Variants in KHDRBS3 observed in about 807,000 individuals in gnomAD.
The protein encoded by KHDRBS3 is KH domain-containing, RNA-binding, signal transduction-associated protein 3.
In KHDRBS3, 23 loss-of-function variants were observed where a neutral mutation model predicts 45.6. The observed-to-expected ratio is 0.50, with a 90% CI of 0.36 to 0.72. KHDRBS3 has a LOEUF of 0.72. Among genes scored for constraint, KHDRBS3 ranks in the 30% least tolerant of loss-of-function variants. The probability of loss-of-function intolerance (pLI) is 0.00; values close to 1 mark genes in which losing one functional copy is unlikely to be tolerated. For synonymous variants in KHDRBS3, 162 were observed against 156.5 expected (o/e 1.04, Z -0.26); for missense variants, 352 against 424.8 (o/e 0.83, Z 1.51).
chr8:135,514,953 T>C (rs1824493964), intron 1 of KHDRBS3, among the ~76,000 whole-genome samples: 1 of 152,210 alleles, frequency 6.6e-6, no homozygotes, highest in African/African-American at 2.4e-5. Context: ...TTACTGCTGG[T>C]ATAAGTGACC....
intron 5 of KHDRBS3, among the ~76,000 whole-genome samples, chr8:135,562,399 A>G (rs1827210615): frequency 6.6e-6 from 1 of 152,222 alleles, no homozygotes; most frequent in Admixed American, 6.5e-5. Context: ...TGTATCATAT[A>G]GCCTAGGCGT....
chr8:135,502,286 A>G (rs913051986), intron 1 of KHDRBS3, among the ~76,000 whole-genome samples: 1 of 152,104 alleles, frequency 6.6e-6, no homozygotes, highest in Non-Finnish European at 1.5e-5. Context: ...CTTTATCACC[A>G]GATACTCTCC....
chr8:135,587,847 CT>C (rs767644827), intron 6 of KHDRBS3, among the ~76,000 whole-genome samples: 2 of 152,190 alleles, frequency 1.3e-5, no homozygotes, highest in Non-Finnish European at 2.9e-5. Flanking sequence ...AGCATCCCCC[CT>C]AACACTCAGT....
At chr8:135,600,421 G>A (rs1169397484) in intron 6 of KHDRBS3, among the ~76,000 whole-genome samples, 6 of 152,262 alleles carry the variant, frequency 3.9e-5, no homozygotes, top group African/African-American at 9.6e-5. Context: ...TAGAGGAAGC[G>A]GGGATGGGTG....
In KHDRBS3 at chr8:135,504,872, C is replaced by G. The variant is rs555580022; in HGVS notation, c.89-16365C>G. On this transcript the variant is annotated intron_variant, in intron 1 of 8. Coordinates refer to ENST00000355849, the MANE Select transcript of KHDRBS3 (RefSeq NM_006558.3). ...ATTACATAGATGCCATTTTCTCAAA[C>G]TTTGATGGTGATCATGATGATATAT... 3.3e-5 allele frequency among the ~76,000 whole-genome samples: 5 copies of G among 152,230 alleles called. No individual in the cohort carries two copies. The East Asian group carries it at 9.7e-4, about 29-fold the overall frequency.
intron 2 of KHDRBS3, among the ~76,000 whole-genome samples, chr8:135,534,293 C>T (rs928099591): frequency 6.6e-6 from 1 of 152,062 alleles, no homozygotes; most frequent in Non-Finnish European, 1.5e-5. Context: ...AGTTAGACCC[C>T]ATATACCAAA....
chr8:135,458,328 G>C, intron 1 of KHDRBS3: 1 of 468,774 alleles, frequency 2.1e-6, no homozygotes, highest in South Asian at 4.6e-5. Flanking sequence ...GGGAAGTAGG[G>C]CGTTTGGTTT....
intron 5 of KHDRBS3, among the ~76,000 whole-genome samples, chr8:135,574,255 G>GTTAGAA (rs1482696673): frequency 6.7e-6 from 1 of 150,294 alleles, no homozygotes. Context: ...CCTCCATCAT[G>GTTAGAA]CCTTTCTTCC....
intron 1 of KHDRBS3, chr8:135,458,863 C>T (rs1009544900): frequency 2.2e-6 from 1 of 456,100 alleles, no homozygotes; most frequent in African/African-American, 2.0e-5. Flanking sequence ...CAGTGTTCCC[C>T]TGGCTTTTTC....
intron 7 of KHDRBS3, among the ~76,000 whole-genome samples, chr8:135,639,723 G>A (rs1246781972): frequency 1.3e-5 from 2 of 152,232 alleles, no homozygotes; most frequent in Non-Finnish European, 2.9e-5. Flanking sequence ...CATGGCAGAA[G>A]GCCAAGTGAG....
At chr8:135,483,898 A>G (rs148519214) in intron 1 of KHDRBS3, among the ~76,000 whole-genome samples, 211 of 152,200 alleles carry the variant, frequency 1.4e-3, no homozygotes, top group African/African-American at 5.0e-3. Flanking sequence ...AAGAATTCCC[A>G]TTGGTTTTGA....
chr8:135,519,481 A>G (rs1239631301), intron 1 of KHDRBS3, among the ~76,000 whole-genome samples: 1 of 152,172 alleles, frequency 6.6e-6, no homozygotes, highest in East Asian at 1.9e-4. Context: ...ATTTGCTATA[A>G]TGACTCACAG....
chr8:135,535,265 A>C (rs1208426923), intron 2 of KHDRBS3, among the ~76,000 whole-genome samples: 2 of 140,578 alleles, frequency 1.4e-5, no homozygotes, highest in African/African-American at 2.6e-5. Flanking sequence ...ATAAACTATT[A>C]TATATAGTTA....
At chr8:135,485,741 A>G (rs374569421) in intron 1 of KHDRBS3, among the ~76,000 whole-genome samples, 6 of 151,390 alleles carry the variant, frequency 4.0e-5, no homozygotes, top group Non-Finnish European at 8.8e-5. Flanking sequence ...TGGCATTTGC[A>G]AAGTCCTTCA....
At chr8:135,560,706 T>C (rs1827127585) in intron 5 of KHDRBS3, among the ~76,000 whole-genome samples, 1 of 152,250 alleles carries the variant, frequency 6.6e-6, no homozygotes, top group Non-Finnish European at 1.5e-5. Flanking sequence ...GATTACAGCA[T>C]ATGCATTGCT....
chr8:135,616,335 A>T (rs1179851577), intron 7 of KHDRBS3, among the ~76,000 whole-genome samples: 1 of 152,198 alleles, frequency 6.6e-6, no homozygotes, highest in Non-Finnish European at 1.5e-5. Flanking sequence ...GGGGGAAAAA[A>T]ATTAGGTTCC....
intron 7 of KHDRBS3, among the ~76,000 whole-genome samples, chr8:135,614,271 G>A (rs1049205769): frequency 6.6e-6 from 1 of 151,770 alleles, no homozygotes; most frequent in African/African-American, 2.4e-5. Context: ...AGCTAGTATA[G>A]TGAATCAAAA....
chr8:135,521,258 GA>G lies in KHDRBS3; in HGVS notation c.111del (p.Glu38LysfsTer12). The stretch of plus-strand genomic sequence containing the variant: ...ACAGAAATAGAAAAGTTTCAAAAAG[GA>G]GAAGGCAAGGATGAAGAAAAGTACA... ...VNQEIEKFQKGEGKDEEKYID... is the reference protein window; with the variant it reads ...VNQEIEKFQKXEGKDEEKYID... On this transcript the variant is annotated frameshift_variant, in exon 2 of 9. Coordinates refer to ENST00000355849, the MANE Select transcript of KHDRBS3 (RefSeq NM_006558.3). LOFTEE classifies it high-confidence loss of function. 1 of 1,611,976 alleles carries G rather than the reference GA, an allele frequency of 6.2e-7. No homozygotes were observed. Among genetic ancestry groups the G allele is most frequent in the Non-Finnish European group, 8.5e-7 (1 of 1,178,224 alleles).
chr8:135,590,415 G>A (rs1049712357), intron 6 of KHDRBS3, among the ~76,000 whole-genome samples: 13 of 152,202 alleles, frequency 8.5e-5, no homozygotes, highest in South Asian at 4.1e-4. Flanking sequence ...TTCTGGGCCC[G>A]AATTTTCTTT....
Sources: allele counts gnomAD v4.1 joint callset (sites outside exome capture counted in the v4.1 genomes callset), GRCh38; gene constraint gnomAD v4.1.1; transcripts MANE v1.5; gene names NCBI Gene and HGNC (gene_info 2026-07-23, HGNC 2026-07-21).